Variants in SRFBP1 observed in about 807,000 individuals in gnomAD.
SRFBP1 encodes the protein serum response factor binding protein 1, also known as serum response factor-binding protein 1.
In SRFBP1, 47 loss-of-function variants were observed where a neutral mutation model predicts 45.5. The ratio of observed to expected loss-of-function variants is 1.03; its 90% CI spans 0.82 to 1.32. The LOEUF is 1.32. Among genes scored for constraint, SRFBP1 ranks in the 40% most tolerant of loss-of-function variants. The pLI, the probability that SRFBP1 is intolerant of heterozygous loss-of-function variation, is 0.00. For synonymous variants in SRFBP1, 203 were observed against 166.3 expected (o/e 1.22, Z -1.70); for missense variants, 621 against 484.6 (o/e 1.28, Z -2.64).
chr5:121,998,660 TATAAAA>T (rs1458183697), intron 4 of SRFBP1, among the ~76,000 whole-genome samples: 1 of 22,242 alleles, frequency 4.5e-5, no homozygotes, highest in Non-Finnish European at 1.2e-4. Context: ...AAACTTAAAG[TATAAAA>T]AAAAAAAAAA....
chr5:122,033,251 C>A (rs150616652), downstream of SRFBP1, among the ~76,000 whole-genome samples: 370 of 151,474 alleles, frequency 2.4e-3, 3 homozygotes, highest in African/African-American at 8.6e-3. Context: ...TTATGTACTG[C>A]AAATATTTTT....
intron 2 of SRFBP1, among the ~76,000 whole-genome samples, chr5:122,068,174 TAAAA>T (rs10650287): frequency 8.6e-6 from 1 of 115,910 alleles, no homozygotes; most frequent in African/African-American, 3.4e-5. Flanking sequence ...TAATAACTAG[TAAAA>T]AAAAAAAAAA....
Position 121,961,990 on chromosome 5 carries a change from G to C in SRFBP1, c.-43G>C, listed in dbSNP as rs201228905. The C allele has an allele frequency of 3.1e-6, 5 of 1,613,326 alleles. No individual in the cohort carries two copies. Among genetic ancestry groups the C allele is most frequent in the Non-Finnish European group, 3.4e-6 (4 of 1,179,858 alleles). Reference sequence around the variant, plus strand: ...CGACGCAGCCGCGGTCTGAGAGACCGGTTCACGTGCAGGCAGCGGCGGATC... The same window carrying C: ...CGACGCAGCCGCGGTCTGAGAGACCCGTTCACGTGCAGGCAGCGGCGGATC... On this transcript the variant is annotated 5_prime_UTR_variant, in exon 1 of 8. Coordinates refer to ENST00000339397, the MANE Select transcript of SRFBP1 (RefSeq NM_152546.3).
chr5:121,979,883 G>A (rs1752374212), intron 3 of SRFBP1, among the ~76,000 whole-genome samples: 1 of 152,106 alleles, frequency 6.6e-6, no homozygotes, highest in East Asian at 1.9e-4. Context: ...TCTCCAGTGT[G>A]CCAGGCTTCA....
chr5:122,037,275 A>T (rs1753709396), intron 2 of SRFBP1, among the ~76,000 whole-genome samples: 1 of 152,154 alleles, frequency 6.6e-6, no homozygotes, highest in African/African-American at 2.4e-5. Context: ...TGACACAAAC[A>T]TCATGCTCAC....
chr5:121,971,039 G>A (rs796587258), intron 1 of SRFBP1, among the ~76,000 whole-genome samples: 1 of 152,192 alleles, frequency 6.6e-6, no homozygotes, highest in African/African-American at 2.4e-5. Flanking sequence ...CTGACCAGTG[G>A]AAATGGTAGG....
intron 1 of SRFBP1, among the ~76,000 whole-genome samples, chr5:121,973,606 A>ATG (rs202190414): frequency 1.5e-5 from 2 of 136,924 alleles, no homozygotes; most frequent in Non-Finnish European, 1.6e-5. Context: ...ATGTGTGTGC[A>ATG]TGTGTGTGTG....
intron 2 of SRFBP1, among the ~76,000 whole-genome samples, chr5:122,045,308 T>A (rs1033953082): frequency 6.6e-6 from 1 of 152,230 alleles, no homozygotes; most frequent in Admixed American, 6.5e-5. Context: ...GTCTTTGTTC[T>A]TTTTGTTTAA....
chr5:122,077,906 C>G (rs374368100), downstream of SRFBP1: 11 of 1,514,984 alleles, frequency 7.3e-6, no homozygotes, highest in East Asian at 2.8e-4. The surrounding 1 kb of genome is among the most constrained non-coding windows in gnomAD (Gnocchi z 4.9). Flanking sequence ...CTGCTGTTGG[C>G]CGGCGGCGGG....
At chr5:122,001,401 T>A (rs960418656) in intron 4 of SRFBP1, among the ~76,000 whole-genome samples, 1 of 149,074 alleles carries the variant, frequency 6.7e-6, no homozygotes, top group Non-Finnish European at 1.5e-5. Flanking sequence ...TTTTATTTTT[T>A]TTATTTTTAT....
chr5:121,988,425 A>G (rs920110337), intron 3 of SRFBP1, among the ~76,000 whole-genome samples: 12 of 152,222 alleles, frequency 7.9e-5, no homozygotes, highest in African/African-American at 2.9e-4. Flanking sequence ...CTTCAAGGAT[A>G]CAGATTAAAA....
At chr5:122,068,433 A>G (rs1754360182) in intron 2 of SRFBP1, among the ~76,000 whole-genome samples, 1 of 152,114 alleles carries the variant, frequency 6.6e-6, no homozygotes, top group South Asian at 2.1e-4. Flanking sequence ...TTCTGATCTC[A>G]CCACATTTTA....
Position 122,020,253 on chromosome 5 carries a change from C to T in SRFBP1, c.518C>T (p.Thr173Ile), listed in dbSNP as rs767886603. The T allele has an allele frequency of 6.2e-7, 1 of 1,612,388 alleles. No individual in the cohort carries two copies. Among genetic ancestry groups the T allele is most frequent in the Non-Finnish European group, 8.5e-7 (1 of 1,179,580 alleles). The change falls in exon 6 of 8, where the codon ACC becomes ATC. Residue 173 changes from threonine (T) to isoleucine (I), a missense_variant. Coordinates refer to ENST00000339397, the MANE Select transcript of SRFBP1 (RefSeq NM_152546.3). ...TVISEQKVKE[T>I]KILAKKPIHN... is the part of the protein sequence containing the mutation. ...ATCAGTGAGCAAAAAGTCAAAGAAA[C>T]CAAAATATTGGCGAAGAAACCAATA...
chr5:121,972,887 G>C (rs1468338166), intron 1 of SRFBP1, among the ~76,000 whole-genome samples: 1 of 151,912 alleles, frequency 6.6e-6, no homozygotes, highest in African/African-American at 2.4e-5. Flanking sequence ...AAGTAAAGAA[G>C]TGAAGATATA....
chr5:122,013,294 A>G (rs982096082), intron 4 of SRFBP1, among the ~76,000 whole-genome samples: 3 of 152,228 alleles, frequency 2.0e-5, no homozygotes, highest in Middle Eastern at 3.4e-3. Flanking sequence ...ATGTTTGGCT[A>G]TGGTATTGGG....
At chr5:122,076,802 T>G, downstream of SRFBP1, 1 of 1,107,062 alleles carries the variant, frequency 9.0e-7, no homozygotes. Flanking sequence ...CTAACACTTG[T>G]CTGCGCGAAG....
At chr5:122,059,156 G>T (rs1022486672) in intron 2 of SRFBP1, among the ~76,000 whole-genome samples, 1 of 152,004 alleles carries the variant, frequency 6.6e-6, no homozygotes, top group Admixed American at 6.6e-5. Context: ...CAGAGAAAAT[G>T]GTAGGAGATG....
rs1305006751 is a variant in SRFBP1 at position 122,027,778 on chromosome 5, C to A, written c.*652C>A. ...TATTATAGTTTTAAGTACTTGTGAT[C>A]ATGTACTTTTTGATTCTAAAATAGT... On this transcript the variant is annotated 3_prime_UTR_variant, in exon 8 of 8. Transcript: ENST00000339397. The A allele has an allele frequency of 6.6e-6, 1 of 152,028 alleles. No individual in the cohort carries two copies. Among genetic ancestry groups the A allele is most frequent in the African/African-American group, 2.4e-5 (1 of 41,426 alleles). 9.4% of individuals were successfully genotyped at this position (152,028 alleles called of 1,614,324 possible).
intron 4 of SRFBP1, among the ~76,000 whole-genome samples, chr5:122,001,341 A>G (rs537473797): frequency 6.6e-6 from 1 of 150,624 alleles, no homozygotes; most frequent in Non-Finnish European, 1.5e-5. Flanking sequence ...TCAGCATGCT[A>G]GATGATTTAG....
Sources: gnomAD v4.1 joint callset for allele counts (sites outside exome capture counted in the v4.1 genomes callset) on GRCh38, gnomAD v4.1.1 for gene constraint, Gnocchi (gnomAD v3.1) non-coding constraint, MANE v1.5 for transcripts, NCBI Gene and HGNC (gene_info 2026-07-23, HGNC 2026-07-21) for gene names.